AKNA: variants seen among roughly 807,000 people sequenced by gnomAD.
AKNA encodes AT-hook transcription factor, also known as microtubule organization protein AKNA.
AKNA carries 67 observed loss-of-function variants against 138.8 expected under a neutral mutation model. The observed-to-expected ratio is 0.48, with a 90% CI of 0.40 to 0.59. AKNA has a LOEUF of 0.59. Among genes scored for constraint, AKNA ranks in the 20% least tolerant of loss-of-function variants. The pLI, the probability that AKNA is intolerant of heterozygous loss-of-function variation, is 0.00. For synonymous variants in AKNA, 737 were observed against 754.4 expected (o/e 0.98, Z 0.38); for missense variants, 1,813 against 1,880.4 (o/e 0.96, Z 0.66).
chr9:114,352,114 G>A (rs890617409), intron 14 of AKNA, among the ~76,000 whole-genome samples: 1 of 152,178 alleles, frequency 6.6e-6, no homozygotes, highest in Non-Finnish European at 1.5e-5. Context: ...CTATGAAAGG[G>A]TAGCATGAGG....
chr9:114,396,970 T>A (rs1834553341), upstream of AKNA: 1 of 152,296 alleles, frequency 6.6e-6, no homozygotes, highest in African/African-American at 2.4e-5. Flanking sequence ...CCTCTCAGTA[T>A]GACGGCCCTG....
In AKNA at chr9:114,361,827, C is replaced by T. The variant is rs1831988607; in HGVS notation, c.2001G>A (p.Glu667=). The change falls in exon 9 of 22, where the codon GAG becomes GAA. Residue 667 remains glutamate, a synonymous_variant. Transcript: ENST00000374088. ...CCAGAGCTGAGTCTGACCCGGGCGG[C>T]TCAGGCTCTTGCTGGGTCTGGTCTA... The part of the protein sequence containing the change: ...EHIDQTQQEP[E]PPGSDSALDS... 1.2e-6 allele frequency: 2 copies of T among 1,613,278 alleles called. No homozygotes were observed. The highest frequency in any genetic ancestry group is 1.1e-5 in the South Asian group (1 of 91,082).
upstream of AKNA, among the ~76,000 whole-genome samples, chr9:114,395,023 G>T (rs937715126): frequency 6.6e-6 from 1 of 152,282 alleles, no homozygotes; most frequent in South Asian, 2.1e-4. Flanking sequence ...GGCGCAGAAG[G>T]TCTCACTCGG....
chr9:114,393,100 C>G (rs1434131973), intron 1 of AKNA, among the ~76,000 whole-genome samples: 2 of 152,034 alleles, frequency 1.3e-5, no homozygotes, highest in African/African-American at 4.8e-5. Context: ...GGACTCAGAT[C>G]TCATTATTTA....
At chr9:114,343,244 C>T (rs1830475774) in intron 19 of AKNA, among the ~76,000 whole-genome samples, 1 of 152,198 alleles carries the variant, frequency 6.6e-6, no homozygotes, top group Non-Finnish European at 1.5e-5. Flanking sequence ...CTCTTCCAAT[C>T]CTTTCATTAT....
chr9:114,351,090 G>C, intron 14 of AKNA, 69 bp from the exon 15 acceptor site: 1 of 1,498,536 alleles, frequency 6.7e-7, no homozygotes, highest in South Asian at 1.2e-5. Context: ...CACTTGTGCA[G>C]GTGGAATGAT....
At position 114,359,702 on chromosome 9, in the gene AKNA, G is replaced by A; in HGVS notation, c.2384C>T (p.Ser795Phe). 2 of 1,612,192 alleles carry A rather than the reference G, an allele frequency of 1.2e-6. No homozygotes were observed. Among genetic ancestry groups the A allele is most frequent in the South Asian group, 2.2e-5 (2 of 90,888 alleles). The change falls in exon 11 of 22, where the codon TCC (serine) becomes TTC (phenylalanine). Residue 795 changes from serine (S) to phenylalanine (F), a missense_variant. Physicochemically the swap from Ser to Phe is radical, Grantham distance 155. Transcript: ENST00000374088. ...TGCAGCCACCCCATCAACTTCCAGG[G>A]AGTCACCTCCCCCCTCTTCCTCCTC... is the stretch of plus-strand genomic sequence containing the variant. ...EEEEEEGGGD[S>F]LEVDGVAATP... is the part of the protein sequence containing the mutation.
intron 1 of AKNA, among the ~76,000 whole-genome samples, chr9:114,393,601 C>T (rs963723535): frequency 2.6e-5 from 4 of 151,786 alleles, no homozygotes; most frequent in African/African-American, 4.8e-5. Flanking sequence ...AGCAGTGTCC[C>T]GTAACAGGTG....
rs145547192 is a variant in AKNA, at chr9:114,379,729, T to A, written c.274+1331A>T. ...CATTTTATAGATGGAAAAAGCAAGA[T>A]TCAGGCAGAAGGAACTTGCTAAGCA... On this transcript the variant is annotated intron_variant, in intron 2 of 21. Coordinates refer to ENST00000374088, the MANE Select transcript of AKNA (RefSeq NM_001317950.2). Among the ~76,000 whole-genome samples, 28 of 152,348 alleles carry A rather than the reference T, an allele frequency of 1.8e-4. No individual in the cohort carries two copies. In the East Asian group the frequency reaches 5.4e-3, roughly 29 times the overall value.
intron 15 of AKNA, 124 bp from the exon 16 acceptor site, chr9:114,348,024 T>A (rs766534587): frequency 3.8e-6 from 4 of 1,060,764 alleles, no homozygotes; most frequent in Non-Finnish European, 5.4e-6. Flanking sequence ...CTATCTCTGC[T>A]GTCAAACGAT....
At chr9:114,330,750 G>C (rs202076775), downstream of AKNA, 9 of 1,606,748 alleles carry the variant, frequency 5.6e-6, no homozygotes, top group Non-Finnish European at 6.0e-6. Context: ...ACTTCTCCTC[G>C]ATAACATTAC....
At chr9:114,367,135 C>G (rs1832422474) in intron 6 of AKNA, among the ~76,000 whole-genome samples, 1 of 152,124 alleles carries the variant, frequency 6.6e-6, no homozygotes, top group Non-Finnish European at 1.5e-5. Flanking sequence ...TGAGAAGTAA[C>G]TAGGAATTGA....
rs143621636 is a variant in AKNA at position 114,347,814 on chromosome 9, G to T, written c.3308C>A (p.Pro1103Gln). Residue 1103 changes from proline (P) to glutamine (Q), a missense_variant, in exon 16 of 22, where the codon CCG becomes CAG. Transcript: ENST00000374088. ...GTCAAAGGCAGATGCTGGGCGTGTCGGGCTGCCCTGGAGTGGCTGGTGCAG... is the reference window on the plus strand; with the variant it reads ...GTCAAAGGCAGATGCTGGGCGTGTCTGGCTGCCCTGGAGTGGCTGGTGCAG... The part of the protein sequence containing the change: ...DSLHQPLQGS[P>Q]TRPASAFDRP... 1 of 1,551,986 alleles carries T rather than the reference G, an allele frequency of 6.4e-7. No homozygotes were observed. Among genetic ancestry groups the T allele is most frequent in the Admixed American group, 2.0e-5 (1 of 51,174 alleles).
At position 114,377,248 on chromosome 9, in the gene AKNA, A is replaced by C. The variant is rs779360584; in HGVS notation, c.559T>G (p.Ser187Ala). Residue 187 changes from serine to alanine, a missense_variant, in exon 3 of 22, where the codon TCC becomes GCC. Ser to Ala is a moderately conservative substitution (Grantham distance 99). Coordinates refer to ENST00000374088, the MANE Select transcript of AKNA (RefSeq NM_001317950.2). ...AGTTCAACGGATGGGTTGACCTCGG[A>C]ATGTTCAGAAAGTTTGTCCCCACTG... Reference protein sequence around the residue: ...QASGDKLSEHSEVNPSVELSP... With the variant: ...QASGDKLSEHAEVNPSVELSP... The C allele has an allele frequency of 1.2e-6, 2 of 1,614,036 alleles. No individual in the cohort carries two copies. Among genetic ancestry groups the C allele is most frequent in the African/African-American group, 2.7e-5 (2 of 74,902 alleles).
chr9:114,331,598 G>A (rs745871164), downstream of AKNA: 21 of 1,613,888 alleles, frequency 1.3e-5, 1 homozygote, highest in South Asian at 1.6e-4. Flanking sequence ...CTCACCTGCT[G>A]TTCCTTAGGG....
At position 114,358,100 on chromosome 9, in the gene AKNA, G is replaced by A. The variant is rs754600238; in HGVS notation, c.2560C>T (p.His854Tyr). Residue 854 changes from histidine to tyrosine, a missense_variant, in exon 12 of 22, where the codon CAC (histidine) becomes TAC (tyrosine). By Grantham distance (83) the His-to-Tyr change is moderately conservative. Transcript: ENST00000374088. Reference protein sequence around the residue: ...GFQASLARDGHMSGLGKAEAA... With the variant: ...GFQASLARDGYMSGLGKAEAA... ...TCAGCCTTGCCCAGGCCTGACATGTGCCCGTCTCTAGCCAGGGATGCCTGG... is the reference window on the plus strand; with the variant it reads ...TCAGCCTTGCCCAGGCCTGACATGTACCCGTCTCTAGCCAGGGATGCCTGG... The A allele has an allele frequency of 9.3e-6, 15 of 1,614,204 alleles. No individual in the cohort carries two copies. Among genetic ancestry groups the A allele is most frequent in the East Asian group, 6.7e-5 (3 of 44,890 alleles).
In AKNA at chr9:114,337,230, G is replaced by C; in HGVS notation, c.4144C>G (p.Arg1382Gly). Residue 1382 changes from arginine to glycine, a missense_variant, in exon 22 of 22, where the codon CGG becomes GGG. Physicochemically the swap from Arg to Gly is moderately radical, Grantham distance 125. Transcript: ENST00000374088. The part of the protein sequence containing the change: ...WPPTASPPPA[R>G]RHRHSIQLDL... ...AGCTGGATGGAGTGCCGGTGTCTCC[G>C]GGCTGGTGGGGGAGAGGCTGTGGGC... 6.3e-7 allele frequency: 1 copy of C among 1,576,512 alleles called. No homozygotes were observed. The highest frequency in any genetic ancestry group is 1.8e-5 in the Admixed American group (1 of 56,986).
intron 6 of AKNA, 51 bp from the exon 7 acceptor site, chr9:114,364,670 A>G (rs1175820807): frequency 6.3e-7 from 1 of 1,576,612 alleles, no homozygotes; most frequent in Non-Finnish European, 8.7e-7. Flanking sequence ...AGTCCTGTAG[A>G]CTCCCACACC....
At chr9:114,391,947 C>A (rs1171292997), upstream of AKNA, among the ~76,000 whole-genome samples, 1 of 150,172 alleles carries the variant, frequency 6.7e-6, no homozygotes, top group African/African-American at 2.5e-5. Context: ...ACCCTTTTAC[C>A]AGCAACAGTC....
Sources: gnomAD v4.1 joint callset for allele counts (sites outside exome capture counted in the v4.1 genomes callset) on GRCh38, gnomAD v4.1.1 for gene constraint, MANE v1.5 for transcripts, NCBI Gene and HGNC (gene_info 2026-07-23, HGNC 2026-07-21) for gene names.